Variants in DENND2C observed in about 807,000 individuals in gnomAD.
The protein encoded by DENND2C is DENN domain-containing protein 2C.
Under a neutral mutation model 112.4 loss-of-function variants are expected in DENND2C, and 72 were observed. The observed-to-expected ratio is 0.64, with a 90% CI of 0.53 to 0.78. DENND2C has a LOEUF of 0.78. Among genes scored for constraint, DENND2C ranks in the 30% least tolerant of loss-of-function variants. The probability of loss-of-function intolerance (pLI) is 0.00; values close to 1 mark genes in which losing one functional copy is unlikely to be tolerated. For synonymous variants in DENND2C, 329 were observed against 381.6 expected, an observed-to-expected ratio of 0.86 and a Z score of 1.61; for missense variants, 992 against 1,113.8, an observed-to-expected ratio of 0.89 and a Z score of 1.56.
intron 12 of DENND2C, among the ~76,000 whole-genome samples, chr1:114,601,879 A>C (rs1372479928): frequency 2.6e-5 from 4 of 152,210 alleles, no homozygotes; most frequent in African/African-American, 9.6e-5. Context: ...ACTGAGATTC[A>C]GCCACTATGT....
chr1:114,616,665 C>T (rs1015627850), intron 8 of DENND2C, among the ~76,000 whole-genome samples: 9 of 151,988 alleles, frequency 5.9e-5, no homozygotes, highest in Admixed American at 4.6e-4. Context: ...ATCAGCCTGG[C>T]CAACACGATG....
intron 2 of DENND2C, among the ~76,000 whole-genome samples, chr1:114,649,943 G>A (rs2101688229): frequency 6.6e-6 from 1 of 152,242 alleles, no homozygotes; most frequent in South Asian, 2.1e-4. Context: ...TGTATCTTCT[G>A]TTTTTTAAGC....
At chr1:114,605,453 A>G (rs1655634026) in intron 10 of DENND2C, among the ~76,000 whole-genome samples, 1 of 152,230 alleles carries the variant, frequency 6.6e-6, no homozygotes, top group Non-Finnish European at 1.5e-5. Context: ...GGCTCAAGAC[A>G]CTTTCCAAAC....
At position 114,585,219 on chromosome 1, in the gene DENND2C, A is replaced by C; in HGVS notation, c.*381T>G. 1 of 226,992 alleles carries C rather than the reference A, an allele frequency of 4.4e-6. No homozygotes were observed. Among genetic ancestry groups the C allele is most frequent in the South Asian group, 7.9e-5 (1 of 12,738 alleles). 14.1% of individuals were successfully genotyped at this position (226,992 alleles called of 1,614,324 possible). On this transcript the variant is annotated 3_prime_UTR_variant, in exon 21 of 21. Coordinates refer to ENST00000393274, the MANE Select transcript of DENND2C (RefSeq NM_001256404.2). The stretch of plus-strand genomic sequence containing the variant: ...TTCCATCATGTCTCTCTACTACCTT[A>C]AACTCAGCATTTCTCTCATTATTCT...
intron 8 of DENND2C, among the ~76,000 whole-genome samples, chr1:114,612,175 T>C (rs986217817): frequency 2.0e-5 from 3 of 152,138 alleles, no homozygotes; most frequent in Non-Finnish European, 4.4e-5. Context: ...ACGAAATAAA[T>C]GTAAATTAAA....
At chr1:114,660,336 T>G (rs1657459285) in intron 1 of DENND2C, among the ~76,000 whole-genome samples, 1 of 152,214 alleles carries the variant, frequency 6.6e-6, no homozygotes, top group African/African-American at 2.4e-5. Context: ...AACACCATTC[T>G]TAGCCCTTAG....
chr1:114,590,163 G>A (rs756531613), intron 18 of DENND2C, among the ~76,000 whole-genome samples: 9 of 152,156 alleles, frequency 5.9e-5, no homozygotes, highest in Non-Finnish European at 2.9e-5. Context: ...GGAGACTGAA[G>A]CAGGCAGCTC....
In DENND2C at chr1:114,585,516, A is replaced by C. The variant is rs1655016908; in HGVS notation, c.*84T>G. 39 of 1,455,614 alleles carry C rather than the reference A, an allele frequency of 2.7e-5. No individual in the cohort carries two copies. The South Asian group carries it at 4.5e-4, about 17-fold the overall frequency. 90.2% of individuals were successfully genotyped at this position (1,455,614 alleles called of 1,614,324 possible). ...TTTAAAATTTCAAGAATTTTGTAGAATACTTCATGGGATCCTGACCCTTAG... is the reference window on the plus strand; with the variant it reads ...TTTAAAATTTCAAGAATTTTGTAGACTACTTCATGGGATCCTGACCCTTAG... On this transcript the variant is annotated 3_prime_UTR_variant, in exon 21 of 21. Coordinates refer to ENST00000393274, the MANE Select transcript of DENND2C (RefSeq NM_001256404.2).
chr1:114,626,704 G>A (rs1268909746), intron 3 of DENND2C, among the ~76,000 whole-genome samples: 2 of 151,738 alleles, frequency 1.3e-5, no homozygotes, highest in East Asian at 3.9e-4. Flanking sequence ...TAGAGACGGA[G>A]TTTCTCCATG....
chr1:114,623,023 C>G lies in DENND2C; in HGVS notation c.1020G>C (p.Lys340Asn), dbSNP rs774346219. ...LPMWRSPSAW[K>N]LPPAKSAFKA... is the part of the protein sequence containing the mutation. ...TAAAAGCACTTTTAGCGGGTGGTAG[C>G]TTCCATGCTGAAGGGGATCTCCACA... Residue 340 changes from lysine to asparagine, a missense_variant, in exon 6 of 21, where the codon AAG becomes AAC. Transcript: ENST00000393274. 5.5e-5 allele frequency: 88 copies of G among 1,613,360 alleles called. No homozygotes were observed. Among genetic ancestry groups the G allele is most frequent in the Non-Finnish European group, 6.8e-5 (80 of 1,179,696 alleles).
Position 114,628,697 on chromosome 1 carries a change from C to T in DENND2C, c.-204-2509G>A, listed in dbSNP as rs140177951. 1.1e-3 allele frequency among the ~76,000 whole-genome samples: 161 copies of T among 152,270 alleles called. 1 individual carries two copies. The highest frequency in any genetic ancestry group is 3.5e-3 in the African/African-American group (147 of 41,552). ...TCACATACAGGTTGTGATTTTGTCCCGTGTAAAAATAAGAGTTGCTCACTT... is the reference window on the plus strand; with the variant it reads ...TCACATACAGGTTGTGATTTTGTCCTGTGTAAAAATAAGAGTTGCTCACTT... On this transcript the variant is annotated intron_variant, in intron 3 of 20. Transcript: ENST00000393274.
intron 16 of DENND2C, 125 bp from the exon 17 acceptor site, chr1:114,595,998 C>T (rs1190334086): frequency 7.5e-6 from 6 of 797,660 alleles, no homozygotes; most frequent in East Asian, 7.5e-5. Flanking sequence ...CCAATCAACA[C>T]AACAAAAAAT....
At chr1:114,664,364 A>G (rs1657590783) in intron 1 of DENND2C, among the ~76,000 whole-genome samples, 1 of 152,166 alleles carries the variant, frequency 6.6e-6, no homozygotes, top group African/African-American at 2.4e-5. Context: ...TGTAATCCTA[A>G]CACTTGGATA....
chr1:114,639,086 C>A, intron 3 of DENND2C, among the ~76,000 whole-genome samples: 1 of 152,036 alleles, frequency 6.6e-6, no homozygotes, highest in East Asian at 1.9e-4. Context: ...TGAAAAGATG[C>A]ACACCATCCT....
At chr1:114,644,172 C>G (rs1278614978) in intron 3 of DENND2C, among the ~76,000 whole-genome samples, 1 of 152,162 alleles carries the variant, frequency 6.6e-6, no homozygotes, top group Non-Finnish European at 1.5e-5. Context: ...TTCTTCCTCT[C>G]TCATTTTCTA....
At position 114,625,235 on chromosome 1, in the gene DENND2C, A is replaced by C; in HGVS notation, c.750T>G (p.Ser250=). 2 of 1,613,320 alleles carry C rather than the reference A, an allele frequency of 1.2e-6. No homozygotes were observed. The highest frequency in any genetic ancestry group is 1.7e-6 in the Non-Finnish European group (2 of 1,179,828). The change falls in exon 4 of 21, where the codon TCT becomes TCG. Residue 250 remains serine (S), a synonymous_variant. Coordinates refer to ENST00000393274, the MANE Select transcript of DENND2C (RefSeq NM_001256404.2). ...ATTTCTTTGGTTCAGGTTCCTGAGA[A>C]GAGGCCAAAGAAGATTGTGCACAAG... is the stretch of plus-strand genomic sequence containing the variant. ...NNSCAQSSLA[S]SQEPEPKKYG...
At chr1:114,613,570 C>G (rs1197076675) in intron 8 of DENND2C, among the ~76,000 whole-genome samples, 2 of 151,926 alleles carry the variant, frequency 1.3e-5, no homozygotes, top group Non-Finnish European at 1.5e-5. Flanking sequence ...AAGAAATAAA[C>G]ACTGTGAGCT....
At chr1:114,586,519 C>A (rs994246390) in intron 20 of DENND2C, among the ~76,000 whole-genome samples, 6 of 152,016 alleles carry the variant, frequency 3.9e-5, no homozygotes, top group Non-Finnish European at 5.9e-5. Flanking sequence ...GCCCCACAGA[C>A]CACTCTGATG....
chr1:114,623,772 G>A (rs1187295745), intron 4 of DENND2C, 129 bp from the exon 5 acceptor site: 4 of 857,432 alleles, frequency 4.7e-6, no homozygotes, highest in Admixed American at 7.0e-5. Flanking sequence ...ATCTCAGTCT[G>A]TTGCATAGGC....
Sources: gnomAD v4.1 joint callset for allele counts (sites outside exome capture counted in the v4.1 genomes callset) on GRCh38, gnomAD v4.1.1 for gene constraint, MANE v1.5 for transcripts, NCBI Gene and HGNC (gene_info 2026-07-23, HGNC 2026-07-21) for gene names.